IGF2R: variants seen among roughly 807,000 people sequenced by gnomAD.
The protein encoded by IGF2R is insulin like growth factor 2 receptor, also known as cation-independent mannose-6-phosphate receptor.
Under a neutral mutation model 270.6 loss-of-function variants are expected in IGF2R, and 91 were observed. The ratio of observed to expected loss-of-function variants is 0.34; its 90% CI spans 0.28 to 0.40. The LOEUF (loss-of-function observed/expected upper bound fraction) is 0.40. IGF2R is among the 10% of genes least tolerant of loss of function. The pLI, the probability that IGF2R is intolerant of heterozygous loss-of-function variation, is 1.00. For synonymous variants in IGF2R, 1,316 were observed against 1,258.9 expected (o/e 1.05, Z -0.96); for missense variants, 2,805 against 3,188.3 (o/e 0.88, Z 2.90).
At chr6:160,058,207 G>A in intron 21 of IGF2R, 83 bp downstream of exon 21, 1 of 894,500 alleles carries the variant, frequency 1.1e-6, no homozygotes. Flanking sequence ...GTGGTGATAT[G>A]AGAGAATTGC....
chr6:159,995,652 G>T (rs1228353705), intron 2 of IGF2R, among the ~76,000 whole-genome samples: 1 of 152,036 alleles, frequency 6.6e-6, no homozygotes. Flanking sequence ...TTCCTACAAT[G>T]AATTTTTCAT....
At chr6:160,099,986 G>A (rs1462822026) in intron 45 of IGF2R, among the ~76,000 whole-genome samples, 3 of 152,100 alleles carry the variant, frequency 2.0e-5, no homozygotes, top group Non-Finnish European at 4.4e-5. Flanking sequence ...AGTATTTTAA[G>A]AATAACCACT....
At position 160,099,331 on chromosome 6, in the gene IGF2R, T is replaced by TTTATGTTATGTTATG. The variant is rs56981943; in HGVS notation, c.6842+2741_6842+2755dup. On this transcript the variant is annotated intron_variant, in intron 45 of 47. Coordinates refer to ENST00000356956, the MANE Select transcript of IGF2R (RefSeq NM_000876.4). ...ATGAAACCAGTTTTTTTTCCTCAGC[T>TTTATGTTATGTTATG]TTATGTTATGTTATGTTATGTTATG... Among the ~76,000 whole-genome samples, 685 of 149,132 alleles carry TTTATGTTATGTTATG rather than the reference T, an allele frequency of 4.6e-3. 7 individuals carry two copies. Among genetic ancestry groups the TTTATGTTATGTTATG allele is most frequent in the East Asian group, 0.019 (97 of 5,022 alleles).
Position 160,111,272 on chromosome 6 carries a change from C to T in IGF2R, c.*6188C>T, listed in dbSNP as rs551817263. Reference sequence around the variant, plus strand: ...TCTGTAAAAGTTACACCCGATGCGTCAGCCCCTTCTTCTACCTCTTCCACC... The same window carrying T: ...TCTGTAAAAGTTACACCCGATGCGTTAGCCCCTTCTTCTACCTCTTCCACC... On this transcript the variant is annotated 3_prime_UTR_variant, in exon 48 of 48. Coordinates refer to ENST00000356956, the MANE Select transcript of IGF2R (RefSeq NM_000876.4). 3 of 151,932 alleles carry T rather than the reference C, an allele frequency of 2.0e-5. No homozygotes were observed. The highest frequency in any genetic ancestry group is 1.9e-4 in the East Asian group (1 of 5,170). The allele number at this position is 151,932 out of a possible 1,614,324, so 9.4% of individuals were successfully genotyped here.
At position 160,085,284 on chromosome 6, in the gene IGF2R, C is replaced by T. The variant is rs763966948; in HGVS notation, c.6205+153C>T. Among the ~76,000 whole-genome samples, 5 of 152,112 alleles carry T rather than the reference C, an allele frequency of 3.3e-5. No homozygotes were observed. In the South Asian group the frequency reaches 8.3e-4, roughly 25 times the overall value. ...TCACTGTCTCACAGGCATTTTGGCT[C>T]TCCTGGCACATTAAAATAAGTGCTG... On this transcript the variant is annotated intron_variant, in intron 41 of 47. Transcript: ENST00000356956.
At chr6:160,068,144 C>T in intron 29 of IGF2R, 105 bp from the exon 30 acceptor site, 1 of 1,295,372 alleles carries the variant, frequency 7.7e-7, no homozygotes, top group South Asian at 1.4e-5. Flanking sequence ...AAAGTTCTGT[C>T]AGGCTTAGAC....
rs370610400 is a variant in IGF2R at position 160,050,528 on chromosome 6, C to T, written c.2570C>T (p.Pro857Leu). The T allele has an allele frequency of 3.3e-5, 53 of 1,613,916 alleles. No individual in the cohort carries two copies. Among genetic ancestry groups the T allele is most frequent in the East Asian group, 4.5e-5 (2 of 44,886 alleles). The change falls in exon 19 of 48, where the codon CCG becomes CTG. Residue 857 changes from proline to leucine, a missense_variant. By Grantham distance (98) the Pro-to-Leu change is moderately conservative (BLOSUM62 -3). This residue lies in a region of IGF2R where 1,851 missense variants were observed against 2,207.2 expected (regional missense o/e 0.84). Coordinates refer to ENST00000356956, the MANE Select transcript of IGF2R (RefSeq NM_000876.4). The surrounding 1 kb of genome is among the most constrained non-coding windows in gnomAD (Gnocchi z 4.0). ...ISNLGMAKTG[P>L]VVEDSGSLLL... ...AACTTGGGAATGGCAAAGACCGGCC[C>T]GGTGGTTGAGGACAGCGGCAGCCTC...
intron 37 of IGF2R, 104 bp downstream of exon 37, chr6:160,078,466 G>T: frequency 9.3e-7 from 1 of 1,077,466 alleles, no homozygotes; most frequent in Non-Finnish European, 1.4e-6. Flanking sequence ...TGAGCTGAGA[G>T]GGTGTATGTG....
chr6:160,047,312 G>T lies in IGF2R; in HGVS notation c.2205G>T (p.Ala735=). The T allele has an allele frequency of 1.2e-6, 2 of 1,601,514 alleles. No homozygotes were observed. Among genetic ancestry groups the T allele is most frequent in the Non-Finnish European group, 1.7e-6 (2 of 1,175,074 alleles). Residue 735 remains alanine (A), a synonymous_variant, in exon 16 of 48, where the codon GCG becomes GCT. Coordinates refer to ENST00000356956, the MANE Select transcript of IGF2R (RefSeq NM_000876.4). ...TLITFLCDRD[A]GVGFPEYQEE... is the part of the protein sequence containing the mutation. ...TCACCTTTCTCTGTGATCGAGACGCGGGAGTGGGCTTCCCTGAATATCAGG... is the reference window on the plus strand; with the variant it reads ...TCACCTTTCTCTGTGATCGAGACGCTGGAGTGGGCTTCCCTGAATATCAGG...
rs1228873409 is a variant in IGF2R, at chr6:160,106,454, T to C, written c.*1370T>C. The C allele has an allele frequency of 6.6e-6, 1 of 152,590 alleles. No homozygotes were observed. The highest frequency in any genetic ancestry group is 1.5e-5 in the Non-Finnish European group (1 of 68,038). The allele number at this position is 152,590 out of a possible 1,614,324, so 9.5% of individuals were successfully genotyped here. A position where few individuals can be genotyped will look rare whatever the true frequency, so the allele number is the denominator to read the frequency against. On this transcript the variant is annotated 3_prime_UTR_variant, in exon 48 of 48. Transcript: ENST00000356956. ...CTGGCTTGTTTGATTTCAACATGAG[T>C]GTATTTTTTAAAATTGATTTTTCTC...
At chr6:160,074,295 C>T (rs908953397) in intron 35 of IGF2R, among the ~76,000 whole-genome samples, 13 of 152,234 alleles carry the variant, frequency 8.5e-5, no homozygotes, top group Non-Finnish European at 1.5e-5. Flanking sequence ...GCACATTGCC[C>T]TAGCCTGGTT....
At chr6:160,086,144 G>C (rs1202707156) in intron 41 of IGF2R, among the ~76,000 whole-genome samples, 1 of 152,192 alleles carries the variant, frequency 6.6e-6, no homozygotes, top group Non-Finnish European at 1.5e-5. Context: ...TGAACACAGG[G>C]GGTGACATGG....
Position 160,068,352 on chromosome 6 carries a change from G to A in IGF2R, c.4219G>A (p.Val1407Ile), listed in dbSNP as rs1349706700. Residue 1407 changes from valine (V) to isoleucine (I), a missense_variant, in exon 30 of 48, where the codon GTC (valine) becomes ATC (isoleucine). Around this residue, in one of 2 missense-constraint regions of IGF2R, gnomAD observed 1,851 missense variants for 2,207.2 expected, o/e 0.84. Transcript: ENST00000356956. ...GGACCCGGAGCACTACCTCATCAAT[G>A]TCTGCAAGTCTCTGGCCCCGCAGGC... ...TGDPEHYLIN[V>I]CKSLAPQAGT... The A allele has an allele frequency of 2.5e-6, 4 of 1,614,112 alleles. No individual in the cohort carries two copies. The highest frequency in any genetic ancestry group is 2.7e-5 in the African/African-American group (2 of 74,952).
chr6:160,013,987 C>T (rs749140234), intron 4 of IGF2R, among the ~76,000 whole-genome samples: 1 of 152,168 alleles, frequency 6.6e-6, no homozygotes, highest in Admixed American at 6.5e-5. Context: ...TCATTGTAGT[C>T]TTGCTTTCTA....
intron 2 of IGF2R, chr6:160,006,362 C>A (rs1428774459): frequency 1.3e-5 from 2 of 152,958 alleles, no homozygotes; most frequent in African/African-American, 4.8e-5. Flanking sequence ...CCACCCCCGC[C>A]CCTGCTCAGT....
At chr6:160,017,612 G>A (rs1282989866) in intron 4 of IGF2R, among the ~76,000 whole-genome samples, 1 of 152,090 alleles carries the variant, frequency 6.6e-6, no homozygotes, top group Admixed American at 6.5e-5. Context: ...CACGAGAAAA[G>A]TATCTAATCA....
At chr6:160,042,395 G>T (rs77216497) in intron 11 of IGF2R, among the ~76,000 whole-genome samples, 4,406 of 152,326 alleles carry the variant, frequency 0.029, 233 homozygotes, top group African/African-American at 0.1. Flanking sequence ...TGCAAAGGGA[G>T]CATTTTCAAA....
In IGF2R at chr6:160,061,839, G is replaced by C. The variant is rs1423871778; in HGVS notation, c.3493G>C (p.Gly1165Arg). 1.9e-6 allele frequency: 3 copies of C among 1,614,172 alleles called. No homozygotes were observed. The change falls in exon 25 of 48, where the codon GGA becomes CGA. Residue 1165 changes from glycine (G) to arginine (R), a missense_variant. By Grantham distance (125) the Gly-to-Arg change is moderately radical. Transcript: ENST00000356956. ...GATGAGTCCCCAAGCCGCGGCGAATGGATCTTTGAGCATCATGTATGTCAA... is the reference window on the plus strand; with the variant it reads ...GATGAGTCCCCAAGCCGCGGCGAATCGATCTTTGAGCATCATGTATGTCAA... ...VQMSPQAAAN[G>R]SLSIMYVNGD...
At chr6:159,978,973 G>A (rs1010637122) in intron 1 of IGF2R, among the ~76,000 whole-genome samples, 1 of 103,460 alleles carries the variant, frequency 9.7e-6, no homozygotes, top group Admixed American at 1.1e-4. Flanking sequence ...AGGAAGTGAG[G>A]GGGATGGTGG....
Sources: gnomAD v4.1 joint callset for allele counts (sites outside exome capture counted in the v4.1 genomes callset) on GRCh38, gnomAD v4.1.1 for gene constraint, gnomAD v4.1.1 regional missense constraint, Gnocchi (gnomAD v3.1) non-coding constraint, MANE v1.5 for transcripts, NCBI Gene and HGNC (gene_info 2026-07-23, HGNC 2026-07-21) for gene names.